Variants in FBXO44 observed in about 807,000 individuals in gnomAD.
FBXO44 encodes F-box protein 44.
Under a neutral mutation model 33.5 loss-of-function variants are expected in FBXO44, and 25 were observed. That is an observed-to-expected ratio of 0.75 (90% confidence interval 0.54 to 1.04). The LOEUF (loss-of-function observed/expected upper bound fraction) is 1.04. Among genes scored for constraint, FBXO44 ranks in the 50% least tolerant of loss-of-function variants. FBXO44 has a pLI of 0.00. For missense variants in FBXO44, 311 were observed against 344.0 expected (o/e 0.90, Z 0.76); for synonymous variants, 147 against 152.8 (o/e 0.96, Z 0.28).
upstream of FBXO44, chr1:11,654,435 G>C (rs1639626293): frequency 8.1e-7 from 1 of 1,242,210 alleles, no homozygotes; most frequent in Non-Finnish European, 1.0e-6. Context: ...CGTCTGTGTC[G>C]GTCCCGGCGA....
rs2100663235 is a variant in FBXO44 at position 11,661,606 on chromosome 1, C to T, written c.*333C>T. The stretch of plus-strand genomic sequence containing the variant: ...TGGAGGCCAGCCTGGATCTGTCTCT[C>T]CCTTCCCCTCCTGGGACCATTCTAC... On this transcript the variant is annotated 3_prime_UTR_variant, in exon 6 of 6. Transcript: ENST00000251547. This position sits in a 1 kb window ranked among gnomAD's most constrained non-coding sequence, Gnocchi z 4.4. The T allele has an allele frequency of 2.8e-6, 1 of 360,508 alleles. No homozygotes were observed. Among genetic ancestry groups the T allele is most frequent in the East Asian group, 4.4e-5 (1 of 22,914 alleles). 22.3% of individuals were successfully genotyped at this position (360,508 alleles called of 1,614,324 possible).
chr1:11,656,244 T>C (rs1298630406), intron 2 of FBXO44, 144 bp downstream of exon 2: 1 of 1,112,536 alleles, frequency 9.0e-7, no homozygotes, highest in African/African-American at 1.6e-5. Flanking sequence ...GTAGCTACTG[T>C]TAGTGCACAC....
chr1:11,657,959 C>T (rs1283517466), intron 2 of FBXO44, among the ~76,000 whole-genome samples: 2 of 152,172 alleles, frequency 1.3e-5, no homozygotes, highest in Non-Finnish European at 2.9e-5. Context: ...GGTCAGACAA[C>T]CGAGTACTGG....
Position 11,661,052 on chromosome 1 carries a change from G to C in FBXO44, c.625-78G>C. 1 of 1,461,242 alleles carries C rather than the reference G, an allele frequency of 6.8e-7. No homozygotes were observed. The highest frequency in any genetic ancestry group is 9.4e-7 in the Non-Finnish European group (1 of 1,068,826). The allele number at this position is 1,461,242 out of a possible 1,614,324, so 90.5% of individuals were successfully genotyped here. A position where few individuals can be genotyped will look rare whatever the true frequency, so the allele number is the denominator to read the frequency against. ...CCCACCTCAGCCTCCCAAAGTACTG[G>C]GATTCCCGGTGTGAGCCGCCACACC... On this transcript the variant is annotated intron_variant, in intron 5 of 5. Transcript: ENST00000251547. The surrounding 1 kb of genome is among the most constrained non-coding windows in gnomAD (Gnocchi z 4.4).
intron 5 of FBXO44, among the ~76,000 whole-genome samples, chr1:11,659,688 G>A (rs1640062437): frequency 6.6e-6 from 1 of 151,972 alleles, no homozygotes; most frequent in South Asian, 2.1e-4. Flanking sequence ...TAGAGATGGA[G>A]TTTTGCTTTG....
intron 5 of FBXO44, among the ~76,000 whole-genome samples, chr1:11,659,299 A>G (rs1335731754): frequency 6.6e-6 from 1 of 152,204 alleles, no homozygotes; most frequent in African/African-American, 2.4e-5. Context: ...AATCGCTTGA[A>G]TCCAGGAGGC....
intron 5 of FBXO44, 82 bp downstream of exon 5, chr1:11,658,953 A>G: frequency 6.5e-7 from 1 of 1,540,080 alleles, no homozygotes; most frequent in South Asian, 1.1e-5. Flanking sequence ...GTTCAGATCC[A>G]AGCTCTGCAC....
chr1:11,654,443 C>G (rs1197730967), upstream of FBXO44: 2 of 1,209,218 alleles, frequency 1.7e-6, no homozygotes, highest in Non-Finnish European at 1.1e-6. Context: ...TCGGTCCCGG[C>G]GACCGCGCCT....
Position 11,658,785 on chromosome 1 carries a change from C to T in FBXO44, c.538C>T (p.Leu180Phe). ...GTCCAAGTACCAGCTGTGCGTTCAG[C>T]TCCTGTCGTCCGCGCACGCGCCTCT... ...CGSKYQLCVQ[L>F]LSSAHAPLGT... The change falls in exon 5 of 6, where the codon CTC becomes TTC. Residue 180 changes from leucine to phenylalanine, a missense_variant. Leu to Phe is a conservative substitution (Grantham distance 22). Transcript: ENST00000251547. 6.2e-7 allele frequency: 1 copy of T among 1,614,000 alleles called. No homozygotes were observed. Among genetic ancestry groups the T allele is most frequent in the East Asian group, 2.2e-5 (1 of 44,852 alleles).
In FBXO44 at chr1:11,658,678, C is replaced by T. The variant is rs1398380721; in HGVS notation, c.488+50C>T. On this transcript the variant is annotated intron_variant, in intron 4 of 5. Coordinates refer to ENST00000251547, the MANE Select transcript of FBXO44 (RefSeq NM_033182.7). Reference sequence around the variant, plus strand: ...GGGTGGGGCATGCCAATCAGGCGCCCCACCCCCGCCCTGCCCCCAATCTCC... The same window carrying T: ...GGGTGGGGCATGCCAATCAGGCGCCTCACCCCCGCCCTGCCCCCAATCTCC... 3 of 1,603,754 alleles carry T rather than the reference C, an allele frequency of 1.9e-6. No homozygotes were observed. In the Admixed American group the frequency reaches 5.2e-5, roughly 28 times the overall value.
At chr1:11,654,632 T>A (rs80296647), upstream of FBXO44, 1,342 of 320,102 alleles carry the variant, frequency 4.2e-3, 23 homozygotes, top group African/African-American at 0.025. Flanking sequence ...TTGGGGCATC[T>A]CGCAGCTCGC....
intron 2 of FBXO44, 67 bp from the exon 3 acceptor site, chr1:11,658,200 A>C: frequency 6.2e-7 from 1 of 1,604,284 alleles, no homozygotes; most frequent in Non-Finnish European, 8.5e-7. Flanking sequence ...GTGGGGAGGA[A>C]GGGGCATTTG....
chr1:11,657,014 A>G (rs561026992), intron 2 of FBXO44, among the ~76,000 whole-genome samples: 2 of 152,166 alleles, frequency 1.3e-5, no homozygotes, highest in East Asian at 1.9e-4. Flanking sequence ...CAAGGCTTCC[A>G]CTGATCCTTG....
rs1455312973 is a variant in FBXO44 at position 11,661,728 on chromosome 1, C to T, written c.*455C>T. ...GGTGCAGGGAGGTGACCATGTAACT[C>T]TGACCAATCTGGGAAGTGGAGGGTG... On this transcript the variant is annotated 3_prime_UTR_variant, in exon 6 of 6. Coordinates refer to ENST00000251547, the MANE Select transcript of FBXO44 (RefSeq NM_033182.7). This position sits in a 1 kb window ranked among gnomAD's most constrained non-coding sequence, Gnocchi z 4.4. The T allele has an allele frequency of 6.1e-6, 1 of 165,128 alleles. No homozygotes were observed. Among genetic ancestry groups the T allele is most frequent in the Non-Finnish European group, 1.3e-5 (1 of 76,364 alleles). 10.2% of individuals were successfully genotyped at this position (165,128 alleles called of 1,614,324 possible). A position where few individuals can be genotyped will look rare whatever the true frequency, so the allele number is the denominator to read the frequency against.
intron 2 of FBXO44, among the ~76,000 whole-genome samples, chr1:11,657,844 C>G (rs1441427935): frequency 6.6e-6 from 1 of 152,272 alleles, no homozygotes; most frequent in African/African-American, 2.4e-5. Context: ...GCCACAAGTC[C>G]TAAAACATTT....
At chr1:11,658,894 G>C in intron 5 of FBXO44, 23 bp downstream of exon 5, 1 of 1,601,326 alleles carries the variant, frequency 6.2e-7, no homozygotes, top group Non-Finnish European at 8.5e-7. Context: ...GGGGGACGGG[G>C]GCAGAGGCAG....
At chr1:11,660,988 G>A (rs1036521712) in intron 5 of FBXO44, 142 bp from the exon 6 acceptor site, 24 of 817,040 alleles carry the variant, frequency 2.9e-5, no homozygotes, top group East Asian at 1.3e-4. Flanking sequence ...TCTGGTTTGC[G>A]ACAAGACTAG....
Position 11,658,977 on chromosome 1 carries a change from C to G in FBXO44, c.624+106C>G, listed in dbSNP as rs962703413. ...CAAGCTCTGCACCTTCTCACCTGTGCTTCCAATGCTCTGAGCTTCACTCGC... is the reference window on the plus strand; with the variant it reads ...CAAGCTCTGCACCTTCTCACCTGTGGTTCCAATGCTCTGAGCTTCACTCGC... On this transcript the variant is annotated intron_variant, in intron 5 of 5. Transcript: ENST00000251547. 5 of 1,395,768 alleles carry G rather than the reference C, an allele frequency of 3.6e-6. No individual in the cohort carries two copies. In the African/African-American group the frequency reaches 7.1e-5, roughly 20 times the overall value. The allele number at this position is 1,395,768 out of a possible 1,614,324, so 86.5% of individuals were successfully genotyped here. A position where few individuals can be genotyped will look rare whatever the true frequency, so the allele number is the denominator to read the frequency against.
intron 2 of FBXO44, 151 bp from the exon 3 acceptor site, chr1:11,658,116 C>CGCGGTGGGCACTGTGATCTGCA: frequency 1.6e-6 from 2 of 1,264,728 alleles, no homozygotes; most frequent in Non-Finnish European, 2.2e-6. Context: ...GCACCTAATA[C>CGCGGTGGGCACTGTGATCTGCA]GCGGTGGGCA....
Sources: allele counts gnomAD v4.1 joint callset (sites outside exome capture counted in the v4.1 genomes callset), GRCh38; gene constraint gnomAD v4.1.1; non-coding constraint Gnocchi (gnomAD v3.1); transcripts MANE v1.5; gene names NCBI Gene and HGNC (gene_info 2026-07-23, HGNC 2026-07-21).